Variants in SPIN1 observed in about 807,000 individuals in gnomAD.
SPIN1 encodes the protein spindlin 1, also known as spindlin-1.
A neutral mutation model predicts 26.0 loss-of-function variants in SPIN1; 3 were observed. The observed-to-expected ratio is 0.12, with a 90% CI of 0.05 to 0.30. The LOEUF (loss-of-function observed/expected upper bound fraction) is 0.30. Ranked by LOEUF, SPIN1 falls within the 10% of genes least tolerant of loss-of-function variation. The probability of loss-of-function intolerance (pLI) is 1.00; values close to 1 mark genes in which losing one functional copy is unlikely to be tolerated. For missense variants in SPIN1, 126 were observed against 333.4 expected (o/e 0.38, Z 4.84); for synonymous variants, 101 against 116.5 (o/e 0.87, Z 0.86).
At chr9:88,394,959 G>A (rs1042860350) in intron 1 of SPIN1, among the ~76,000 whole-genome samples, 2 of 151,682 alleles carry the variant, frequency 1.3e-5, no homozygotes, top group Non-Finnish European at 2.9e-5. Context: ...ACAGGTGCCC[G>A]CCACCACGCC....
At chr9:88,431,551 G>C (rs1248985188) in intron 2 of SPIN1, among the ~76,000 whole-genome samples, 1 of 152,164 alleles carries the variant, frequency 6.6e-6, no homozygotes, top group Non-Finnish European at 1.5e-5. Context: ...CGGCCTCCCA[G>C]AGTGCTGGGA....
Position 88,458,159 on chromosome 9 carries a change from G to C in SPIN1, c.102-4337G>C, listed in dbSNP as rs545018766. Among the ~76,000 whole-genome samples the C allele has an allele frequency of 5.3e-5, 8 of 152,306 alleles. No homozygotes were observed. In the South Asian group the frequency reaches 1.5e-3, roughly 28 times the overall value. On this transcript the variant is annotated intron_variant, in intron 3 of 5. Coordinates refer to ENST00000375859, the MANE Select transcript of SPIN1 (RefSeq NM_006717.3). ...GCAAGTTACATCATTTGCGTTAGAA[G>C]CTTTATTTAGTGAAAAGAAACTTCA... is the stretch of plus-strand genomic sequence containing the variant.
chr9:88,411,988 G>A (rs1249740181), intron 1 of SPIN1, among the ~76,000 whole-genome samples: 1 of 151,278 alleles, frequency 6.6e-6, no homozygotes, highest in African/African-American at 2.4e-5. Flanking sequence ...TGGCTAGTGC[G>A]GTGAAACCCC....
At chr9:88,391,419 A>G (rs1014352797) in intron 1 of SPIN1, 3 of 168,118 alleles carry the variant, frequency 1.8e-5, no homozygotes, top group South Asian at 1.6e-4. Context: ...CAGGCTATCT[A>G]TGATAACAGA....
intron 1 of SPIN1, among the ~76,000 whole-genome samples, chr9:88,393,664 C>G (rs1490107065): frequency 4.0e-5 from 6 of 151,704 alleles, no homozygotes; most frequent in Non-Finnish European, 8.8e-5. Context: ...ATCATGTTGG[C>G]CAGGATGGTC....
At chr9:88,401,721 A>G (rs929267603) in intron 1 of SPIN1, among the ~76,000 whole-genome samples, 12 of 152,234 alleles carry the variant, frequency 7.9e-5, no homozygotes, top group African/African-American at 2.7e-4. Flanking sequence ...CTGAAGGGAT[A>G]AGAGGCCAAG....
At chr9:88,390,344 G>A (rs185896873) in intron 1 of SPIN1, among the ~76,000 whole-genome samples, 2 of 152,246 alleles carry the variant, frequency 1.3e-5, no homozygotes, top group Non-Finnish European at 1.5e-5. Context: ...CCTGATGTGT[G>A]CCCCTCTGCA....
intron 1 of SPIN1, among the ~76,000 whole-genome samples, chr9:88,406,357 C>G (rs1587776631): frequency 1.3e-5 from 2 of 150,716 alleles, no homozygotes; most frequent in African/African-American, 4.9e-5. Context: ...GTGGCGCAGA[C>G]TCGGTTCACT....
intron 1 of SPIN1, chr9:88,410,474 G>A: frequency 7.0e-6 from 5 of 711,904 alleles, no homozygotes; most frequent in Non-Finnish European, 1.3e-5. Context: ...GTTTTAACCT[G>A]TAGCTTCTCT....
chr9:88,453,148 A>C (rs113246067), intron 3 of SPIN1, among the ~76,000 whole-genome samples: 1 of 151,708 alleles, frequency 6.6e-6, no homozygotes, highest in African/African-American at 2.4e-5. Flanking sequence ...TTTTTTTTTA[A>C]ATTTTTTATT....
At chr9:88,404,584 ATTAC>A (rs1827255362) in intron 1 of SPIN1, among the ~76,000 whole-genome samples, 1 of 152,094 alleles carries the variant, frequency 6.6e-6, no homozygotes, top group South Asian at 2.1e-4. Flanking sequence ...TTAAAAATTT[ATTAC>A]TTTTGTTTTT....
chr9:88,395,037 T>A (rs1827024096), intron 1 of SPIN1, among the ~76,000 whole-genome samples: 1 of 151,956 alleles, frequency 6.6e-6, no homozygotes, highest in Admixed American at 6.6e-5. Flanking sequence ...CTCGATCTCC[T>A]GACCTCGTGA....
chr9:88,389,174 C>A (rs930859976), intron 1 of SPIN1, among the ~76,000 whole-genome samples: 1 of 152,176 alleles, frequency 6.6e-6, no homozygotes, highest in African/African-American at 2.4e-5. Context: ...TCCTCGCGCC[C>A]GCGCAGCCCC....
chr9:88,430,550 G>C (rs1037795084), intron 2 of SPIN1, among the ~76,000 whole-genome samples: 4 of 152,136 alleles, frequency 2.6e-5, no homozygotes, highest in Non-Finnish European at 5.9e-5. Flanking sequence ...AAATAGATTG[G>C]GTAGGCAACT....
chr9:88,449,236 GA>G (rs941219805), intron 3 of SPIN1, among the ~76,000 whole-genome samples: 9 of 152,072 alleles, frequency 5.9e-5, no homozygotes, highest in African/African-American at 2.2e-4. Flanking sequence ...CCAATGGAAG[GA>G]AAACTGTTAT....
intron 1 of SPIN1, among the ~76,000 whole-genome samples, chr9:88,410,188 T>TGTGTGTGTGTGTGCGCGCGCGC (rs4029765): frequency 7.0e-6 from 1 of 142,874 alleles, no homozygotes; most frequent in South Asian, 2.2e-4. Context: ...TGTGTGTGTG[T>TGTGTGTGTGTGTGCGCGCGCGC]GCAACTTTTT....
At chr9:88,453,745 C>T (rs372484413) in intron 3 of SPIN1, among the ~76,000 whole-genome samples, 6 of 152,160 alleles carry the variant, frequency 3.9e-5, no homozygotes, top group African/African-American at 1.4e-4. Context: ...AGGCAGGTCT[C>T]AAACTCCCGA....
At chr9:88,396,524 C>T (rs556385212) in intron 1 of SPIN1, among the ~76,000 whole-genome samples, 16 of 152,026 alleles carry the variant, frequency 1.1e-4, no homozygotes, top group Non-Finnish European at 2.1e-4. Flanking sequence ...ATTGCTTGAA[C>T]CTGGGAGGCG....
intron 3 of SPIN1, among the ~76,000 whole-genome samples, chr9:88,457,539 A>G (rs2118168876): frequency 6.6e-6 from 1 of 152,208 alleles, no homozygotes; most frequent in East Asian, 1.9e-4. Flanking sequence ...AAAAATAATA[A>G]TAAATAAAAT....
Sources: allele counts gnomAD v4.1 joint callset (sites outside exome capture counted in the v4.1 genomes callset), GRCh38; gene constraint gnomAD v4.1.1; transcripts MANE v1.5; gene names NCBI Gene and HGNC (gene_info 2026-07-23, HGNC 2026-07-21).